The following RIMS3 variants were observed in gnomAD, a reference collection of about 807,000 sequenced individuals.
RIMS3 encodes the protein regulating synaptic membrane exocytosis 3, also known as regulating synaptic membrane exocytosis protein 3.
Under a neutral mutation model 29.2 loss-of-function variants are expected in RIMS3, and 15 were observed. The observed-to-expected ratio is 0.51, with a 90% confidence interval of 0.34 to 0.79. The LOEUF is 0.79. Among genes scored for constraint, RIMS3 ranks in the 30% least tolerant of loss-of-function variants. The pLI, the probability that RIMS3 is intolerant of heterozygous loss-of-function variation, is 0.01. For missense variants in RIMS3, 342 were observed against 421.4 expected (o/e 0.81, Z 1.65); for synonymous variants, 161 against 170.1 (o/e 0.95, Z 0.41).
intron 3 of RIMS3, among the ~76,000 whole-genome samples, chr1:40,640,765 T>C (rs926046458): frequency 2.6e-5 from 4 of 152,190 alleles, no homozygotes; most frequent in African/African-American, 9.7e-5. Flanking sequence ...GCTAGGTGTC[T>C]GAAAAAGGAT....
chr1:40,659,557 C>T (rs1296754048), intron 1 of RIMS3, among the ~76,000 whole-genome samples: 2 of 152,046 alleles, frequency 1.3e-5, no homozygotes, highest in Non-Finnish European at 1.5e-5. Flanking sequence ...TACTATGTGC[C>T]GGGGTGAGGC....
intron 3 of RIMS3, among the ~76,000 whole-genome samples, chr1:40,639,707 G>C (rs1402513499): frequency 2.6e-5 from 4 of 152,138 alleles, no homozygotes; most frequent in Non-Finnish European, 5.9e-5. Context: ...CTGAACTTGA[G>C]GTCGTTCTCC....
rs143978491 is a variant in RIMS3, at chr1:40,635,326, C to A, written c.359+590G>T. Among the ~76,000 whole-genome samples the A allele has an allele frequency of 3.9e-5, 6 of 152,338 alleles. No homozygotes were observed. The highest frequency in any genetic ancestry group is 1.9e-4 in the East Asian group (1 of 5,192). ...ATTTAACATCATGACCCAGGACAGA[C>A]CTGTGTGCATCTATACATAAAAAAT... is the stretch of plus-strand genomic sequence containing the variant. On this transcript the variant is annotated intron_variant, in intron 4 of 7. Transcript: ENST00000372684. This position sits in a 1 kb window ranked among gnomAD's most constrained non-coding sequence, Gnocchi z 4.1.
chr1:40,664,509 A>T (rs915173386), intron 1 of RIMS3, among the ~76,000 whole-genome samples: 1 of 152,182 alleles, frequency 6.6e-6, no homozygotes, highest in Non-Finnish European at 1.5e-5. Flanking sequence ...CTACATCCTG[A>T]TAACACCCCT....
At chr1:40,660,225 G>A (rs1642331722) in intron 1 of RIMS3, among the ~76,000 whole-genome samples, 1 of 152,118 alleles carries the variant, frequency 6.6e-6, no homozygotes, top group South Asian at 2.1e-4. Context: ...CCAGGTGGGA[G>A]GACGGCGATG....
chr1:40,620,759 A>C lies in RIMS3; in HGVS notation c.*5758T>G, dbSNP rs1026203997. 1.3e-5 allele frequency: 2 copies of C among 152,626 alleles called. No individual in the cohort carries two copies. Among genetic ancestry groups the C allele is most frequent in the Admixed American group, 1.3e-4 (2 of 15,272 alleles). 9.5% of individuals were successfully genotyped at this position (152,626 alleles called of 1,614,324 possible). ...AAGCCATGTGAAGAATTTTCTCCTC[A>C]AGGGAATTGGCAAGAATGTTGTACG... On this transcript the variant is annotated 3_prime_UTR_variant, in exon 8 of 8. Coordinates refer to ENST00000372684, the MANE Select transcript of RIMS3 (RefSeq NM_014747.3).
At chr1:40,663,084 T>C (rs1433836962) in intron 1 of RIMS3, among the ~76,000 whole-genome samples, 2 of 152,090 alleles carry the variant, frequency 1.3e-5, no homozygotes, top group East Asian at 3.9e-4. Flanking sequence ...GATATACCAG[T>C]GTAGGAGACA....
At chr1:40,678,743 G>A in the RIMS3 span, among the ~76,000 whole-genome samples, 2 of 152,224 alleles carry the variant, frequency 1.3e-5, no homozygotes, top group Non-Finnish European at 2.9e-5. Flanking sequence ...AAAGCTTAGC[G>A]GGCAGCTCTT....
chr1:40,690,428 C>T, the RIMS3 span: 2 of 152,018 alleles, frequency 1.3e-5, no homozygotes, highest in African/African-American at 2.4e-5. Context: ...GCGAGACACT[C>T]GTAGCTCTTA....
the RIMS3 span, chr1:40,690,444 A>G: frequency 6.6e-6 from 1 of 152,050 alleles, no homozygotes; most frequent in Non-Finnish European, 1.5e-5. Flanking sequence ...TCTTACCAGT[A>G]ACTTCTTTAT....
chr1:40,671,596 T>C, the RIMS3 span, among the ~76,000 whole-genome samples: 1 of 152,104 alleles, frequency 6.6e-6, no homozygotes, highest in East Asian at 1.9e-4. Flanking sequence ...CACTCTGTCT[T>C]GCTCCTGCTC....
chr1:40,638,037 A>G (rs987717847), intron 3 of RIMS3, among the ~76,000 whole-genome samples: 1 of 151,982 alleles, frequency 6.6e-6, no homozygotes, highest in Admixed American at 6.6e-5. Context: ...TTTGGGAGCA[A>G]ATTTGCCTTT....
chr1:40,633,865 T>C (rs1646504507), intron 4 of RIMS3, among the ~76,000 whole-genome samples: 1 of 152,166 alleles, frequency 6.6e-6, no homozygotes, highest in Admixed American at 6.5e-5. Context: ...GTCTTACAGA[T>C]GAGAAAACAG....
intron 3 of RIMS3, among the ~76,000 whole-genome samples, chr1:40,639,195 C>T (rs951486582): frequency 1.3e-5 from 2 of 152,230 alleles, no homozygotes; most frequent in Non-Finnish European, 2.9e-5. Context: ...TTCACACAGC[C>T]CAGCCCTGCA....
At chr1:40,627,846 C>T (rs1341732623) in intron 7 of RIMS3, among the ~76,000 whole-genome samples, 1 of 151,800 alleles carries the variant, frequency 6.6e-6, no homozygotes, top group Non-Finnish European at 1.5e-5. Flanking sequence ...CTCAAGTGAT[C>T]CTCCTGCCTC....
At chr1:40,685,733 GT>G in the RIMS3 span, among the ~76,000 whole-genome samples, 1 of 152,002 alleles carries the variant, frequency 6.6e-6, no homozygotes, top group Non-Finnish European at 1.5e-5. Flanking sequence ...TGGACTGCTG[GT>G]AAATTACAAT....
chr1:40,685,595 AG>A, the RIMS3 span, among the ~76,000 whole-genome samples: 1 of 151,920 alleles, frequency 6.6e-6, no homozygotes, highest in East Asian at 1.9e-4. Context: ...CACTTATCCC[AG>A]GAACAGTCCT....
chr1:40,691,642 C>G, the RIMS3 span: 1 of 429,336 alleles, frequency 2.3e-6, no homozygotes. Flanking sequence ...ACAGCTTCTG[C>G]GCACCGCACG....
chr1:40,653,929 A>C (rs1054587949), intron 1 of RIMS3, among the ~76,000 whole-genome samples: 1 of 151,008 alleles, frequency 6.6e-6, no homozygotes, highest in Non-Finnish European at 1.5e-5. Context: ...AATAAGATAC[A>C]CATTTGGTTC....
Sources: allele counts gnomAD v4.1 joint callset (sites outside exome capture counted in the v4.1 genomes callset), GRCh38; gene constraint gnomAD v4.1.1; non-coding constraint Gnocchi (gnomAD v3.1); transcripts MANE v1.5; gene names NCBI Gene and HGNC (gene_info 2026-07-23, HGNC 2026-07-21).